FOSL2: variants seen among roughly 807,000 people sequenced by gnomAD.
FOSL2 encodes the protein fos-related antigen 2.
A neutral mutation model predicts 27.7 loss-of-function variants in FOSL2; 3 were observed. That is an observed-to-expected ratio of 0.11 (90% CI 0.05 to 0.28). The LOEUF (loss-of-function observed/expected upper bound fraction) is 0.28, where lower values mean the gene tolerates loss of function less well. Ranked by LOEUF, FOSL2 falls within the 10% of genes least tolerant of loss-of-function variation. The pLI, the probability that FOSL2 is intolerant of heterozygous loss-of-function variation, is 1.00. For missense variants in FOSL2, 333 were observed against 445.1 expected (o/e 0.75, Z 2.27); for synonymous variants, 179 against 190.1 (o/e 0.94, Z 0.48).
chr2:28,409,027 A>G (rs1389650240), intron 3 of FOSL2, among the ~76,000 whole-genome samples, 161 bp downstream of exon 3: 1 of 152,194 alleles, frequency 6.6e-6, no homozygotes, highest in Non-Finnish European at 1.5e-5. Flanking sequence ...ATGGGTCAGC[A>G]TTGTGTTGAT....
chr2:28,410,918 G>A (rs1347626720), intron 3 of FOSL2, among the ~76,000 whole-genome samples: 1 of 152,208 alleles, frequency 6.6e-6, no homozygotes, highest in Non-Finnish European at 1.5e-5. Context: ...GGAGGCTGAG[G>A]CGGGTGGATC....
rs571101339 is a variant in FOSL2 at position 28,404,844 on chromosome 2, A to G, written c.354+486A>G. On this transcript the variant is annotated intron_variant, in intron 2 of 3. Coordinates refer to ENST00000264716, the MANE Select transcript of FOSL2 (RefSeq NM_005253.4). The surrounding 1 kb of genome is among the most constrained non-coding windows in gnomAD (Gnocchi z 4.7). ...GGGTCGGTACTGCCCACGACTTCCC[A>G]TTCCTCCTCAGTGTTCTAGGCCTCC... 1.9e-4 allele frequency among the ~76,000 whole-genome samples: 29 copies of G among 152,260 alleles called. No homozygotes were observed. The highest frequency in any genetic ancestry group is 2.2e-4 in the Non-Finnish European group (15 of 68,022).
At position 28,397,405 on chromosome 2, in the gene FOSL2, T is replaced by C. The variant is rs188043527; in HGVS notation, c.102+3583T>C. Among the ~76,000 whole-genome samples the C allele has an allele frequency of 4.0e-3, 611 of 152,140 alleles. 3 individuals are homozygous for C. Among genetic ancestry groups the C allele is most frequent in the African/African-American group, 0.013 (559 of 41,488 alleles). On this transcript the variant is annotated intron_variant, in intron 1 of 3. Transcript: ENST00000264716. Reference sequence around the variant, plus strand: ...TTAAGGGTCTGGGTGCTTTTTTTTTTCCCCTTGATGTTACAGATGTTGTAG... The same window carrying C: ...TTAAGGGTCTGGGTGCTTTTTTTTTCCCCCTTGATGTTACAGATGTTGTAG...
rs563510525 is a variant in FOSL2 at position 28,413,664 on chromosome 2, C to T, written c.*1216C>T. 35 of 399,090 alleles carry T rather than the reference C, an allele frequency of 8.8e-5. No individual in the cohort carries two copies. Among genetic ancestry groups the T allele is most frequent in the Admixed American group, 7.5e-4 (17 of 22,740 alleles). The allele number at this position is 399,090 out of a possible 1,614,324, so 24.7% of individuals were successfully genotyped here. Reference sequence around the variant, plus strand: ...AGCCTGTCCTGGCTGCTCACCTCCCCGCAGGGCACCGGGCCTTTCCTGCCC... The same window carrying T: ...AGCCTGTCCTGGCTGCTCACCTCCCTGCAGGGCACCGGGCCTTTCCTGCCC... On this transcript the variant is annotated 3_prime_UTR_variant, in exon 4 of 4. Transcript: ENST00000264716.
Position 28,410,162 on chromosome 2 carries a change from C to T in FOSL2, c.462+1296C>T, listed in dbSNP as rs191170334. Among the ~76,000 whole-genome samples the T allele has an allele frequency of 3.9e-4, 60 of 152,342 alleles. 2 individuals carry two copies. Among genetic ancestry groups the T allele is most frequent in the Admixed American group, 4.6e-4 (7 of 15,306 alleles). On this transcript the variant is annotated intron_variant, in intron 3 of 3. Transcript: ENST00000264716. ...TTGAATTGCGTGAATTCTGTGATGC[C>T]TGTAGTAATGGCCCTCGGAGGTGTT...
At chr2:28,401,962 G>C (rs1374337690) in intron 1 of FOSL2, among the ~76,000 whole-genome samples, 1 of 151,112 alleles carries the variant, frequency 6.6e-6, no homozygotes, top group Non-Finnish European at 1.5e-5. Flanking sequence ...CATTGCACCG[G>C]ATAACTTTTC....
intron 1 of FOSL2, among the ~76,000 whole-genome samples, chr2:28,398,673 G>A (rs1471150394): frequency 6.6e-6 from 1 of 152,244 alleles, no homozygotes; most frequent in Non-Finnish European, 1.5e-5. Context: ...AGTCTTTCAA[G>A]GGAACCCAGG....
At chr2:28,411,661 C>T (rs766181114) in intron 3 of FOSL2, among the ~76,000 whole-genome samples, 3 of 152,230 alleles carry the variant, frequency 2.0e-5, no homozygotes, top group Non-Finnish European at 1.5e-5. Context: ...CTCTGAAATG[C>T]TTAACACTGT....
At chr2:28,407,484 T>C (rs1664107364) in intron 2 of FOSL2, among the ~76,000 whole-genome samples, 2 of 152,348 alleles carry the variant, frequency 1.3e-5, no homozygotes, top group South Asian at 2.1e-4. Context: ...AAAGGGAGCA[T>C]TGTGGGACTC....
Position 28,393,950 on chromosome 2 carries a change from C to A in FOSL2, c.102+128C>A. On this transcript the variant is annotated intron_variant, in intron 1 of 3. Coordinates refer to ENST00000264716, the MANE Select transcript of FOSL2 (RefSeq NM_005253.4). The surrounding 1 kb of genome is among the most constrained non-coding windows in gnomAD (Gnocchi z 4.6). Reference sequence around the variant, plus strand: ...TACCTACGGGCCACCGTTGTAAGTTCTGGATTTTCGTCCTCCCCTTCCCCC... The same window carrying A: ...TACCTACGGGCCACCGTTGTAAGTTATGGATTTTCGTCCTCCCCTTCCCCC... The A allele has an allele frequency of 1.4e-6, 1 of 707,282 alleles. No homozygotes were observed. The highest frequency in any genetic ancestry group is 2.3e-6 in the Non-Finnish European group (1 of 430,302). 43.8% of individuals were successfully genotyped at this position (707,282 alleles called of 1,614,324 possible). A position where few individuals can be genotyped will look rare whatever the true frequency, so the allele number is the denominator to read the frequency against.
chr2:28,398,431 G>T (rs530882989), intron 1 of FOSL2, among the ~76,000 whole-genome samples: 17 of 152,240 alleles, frequency 1.1e-4, no homozygotes, highest in African/African-American at 3.6e-4. Context: ...ATGAGAGGAC[G>T]TGTCATTCCC....
At chr2:28,411,431 C>A (rs576468742) in intron 3 of FOSL2, among the ~76,000 whole-genome samples, 3 of 152,230 alleles carry the variant, frequency 2.0e-5, no homozygotes, top group East Asian at 3.9e-4. Context: ...GCAGTACTCA[C>A]CCCTCAGGGG....
chr2:28,397,268 G>T (rs952214714), intron 1 of FOSL2, among the ~76,000 whole-genome samples: 4 of 152,076 alleles, frequency 2.6e-5, no homozygotes, highest in African/African-American at 9.7e-5. Flanking sequence ...TTTGATGTCT[G>T]TCTATTCATT....
intron 1 of FOSL2, among the ~76,000 whole-genome samples, chr2:28,398,588 G>T (rs570003903): frequency 6.6e-6 from 1 of 152,346 alleles, no homozygotes; most frequent in African/African-American, 2.4e-5. Context: ...GAGGGCTAAG[G>T]CCTTCTCTTT....
At chr2:28,397,438 T>C (rs1284350529) in intron 1 of FOSL2, among the ~76,000 whole-genome samples, 1 of 152,106 alleles carries the variant, frequency 6.6e-6, no homozygotes, top group Non-Finnish European at 1.5e-5. Flanking sequence ...TAGATTAGGA[T>C]CAAACAAAAT....
chr2:28,415,381 A>G lies in FOSL2; in HGVS notation c.*2933A>G, dbSNP rs941666482. 2 of 152,216 alleles carry G rather than the reference A, an allele frequency of 1.3e-5. No individual in the cohort carries two copies. Among genetic ancestry groups the G allele is most frequent in the Non-Finnish European group, 2.9e-5 (2 of 68,062 alleles). 9.4% of individuals were successfully genotyped at this position (152,216 alleles called of 1,614,324 possible). A position where few individuals can be genotyped will look rare whatever the true frequency, so the allele number is the denominator to read the frequency against. ...AATTGCTGGAGCCGGCTCCAAGCAG[A>G]TAATTCACTGGGGAGGTTTTCAGAG... On this transcript the variant is annotated 3_prime_UTR_variant, in exon 4 of 4. Transcript: ENST00000264716.
At position 28,415,573 on chromosome 2, in the gene FOSL2, T is replaced by A. The variant is rs1664295848; in HGVS notation, c.*3125T>A. 6.6e-6 allele frequency: 1 copy of A among 152,202 alleles called. No homozygotes were observed. The highest frequency in any genetic ancestry group is 2.4e-5 in the African/African-American group (1 of 41,458). 9.4% of individuals were successfully genotyped at this position (152,202 alleles called of 1,614,324 possible). A position where few individuals can be genotyped will look rare whatever the true frequency, so the allele number is the denominator to read the frequency against. On this transcript the variant is annotated 3_prime_UTR_variant, in exon 4 of 4. Transcript: ENST00000264716. ...GTTGAATTGTCTGGAGCACTGGGAC[T>A]TTTTTTCTCTTTTCCTTGATGGACC...
chr2:28,398,152 GA>G (rs1438147370), intron 1 of FOSL2, among the ~76,000 whole-genome samples: 1 of 152,142 alleles, frequency 6.6e-6, no homozygotes, highest in African/African-American at 2.4e-5. Context: ...TTGAAACAAA[GA>G]AAAAAATAGC....
chr2:28,405,536 G>A (rs765984150), intron 2 of FOSL2, among the ~76,000 whole-genome samples: 1 of 152,146 alleles, frequency 6.6e-6, no homozygotes, highest in Non-Finnish European at 1.5e-5. Flanking sequence ...CCAATATACG[G>A]ACCTTTCAAA....
Sources: gnomAD v4.1 joint callset for allele counts (sites outside exome capture counted in the v4.1 genomes callset) on GRCh38, gnomAD v4.1.1 for gene constraint, Gnocchi (gnomAD v3.1) non-coding constraint, MANE v1.5 for transcripts, NCBI Gene and HGNC (gene_info 2026-07-23, HGNC 2026-07-21) for gene names.